Variants in RNF123 observed in about 807,000 individuals in gnomAD.
The protein encoded by RNF123 is ring finger protein 123.
In RNF123, 86 loss-of-function variants were observed where a neutral mutation model predicts 168.5. The ratio of observed to expected loss-of-function variants is 0.51; its 90% CI spans 0.43 to 0.61. The LOEUF is 0.61. Among genes scored for constraint, RNF123 ranks in the 20% least tolerant of loss-of-function variants. The pLI is 0.00. For missense variants in RNF123, 1,419 were observed against 1,729.7 expected, an observed-to-expected ratio of 0.82 and a Z score of 3.19; for synonymous variants, 666 against 689.1, an observed-to-expected ratio of 0.97 and a Z score of 0.52.
At position 49,704,983 on chromosome 3, in the gene RNF123, G is replaced by A; in HGVS notation, c.1960-1G>A. On this transcript the variant is annotated splice_acceptor_variant, in intron 22 of 38. Coordinates refer to ENST00000327697, the MANE Select transcript of RNF123 (RefSeq NM_022064.5). LOFTEE classifies it high-confidence loss of function. ...GTCCTGGCCGCCTTTCTTCACTGCA[G>A]CGCCCCATGCAGGCCCTGGCTGTTG... 6.2e-7 allele frequency: 1 copy of A among 1,601,448 alleles called. No individual in the cohort carries two copies. The highest frequency in any genetic ancestry group is 8.5e-7 in the Non-Finnish European group (1 of 1,175,222).
At chr3:49,716,504 G>A in intron 35 of RNF123, 27 bp downstream of exon 35, 2 of 1,598,438 alleles carry the variant, frequency 1.3e-6, no homozygotes, top group Non-Finnish European at 8.6e-7. Context: ...GTGGGCCCCT[G>A]TGGGAGTTGG....
intron 3 of RNF123, 46 bp from the exon 4 acceptor site, chr3:49,697,097 G>T: frequency 6.6e-7 from 1 of 1,508,374 alleles, no homozygotes; most frequent in South Asian, 1.1e-5. Flanking sequence ...TCATCTGGCT[G>T]ATTTCAAGGA....
chr3:49,714,270 C>T, intron 31 of RNF123, 96 bp downstream of exon 31: 1 of 1,126,220 alleles, frequency 8.9e-7, no homozygotes, highest in Non-Finnish European at 1.3e-6. Context: ...CTTCCAGCCC[C>T]TCTCTGGTTC....
chr3:49,712,685 A>G, intron 27 of RNF123, 29 bp downstream of exon 27: 1 of 1,613,454 alleles, frequency 6.2e-7, no homozygotes, highest in South Asian at 1.1e-5. Context: ...CTGAGGCAGA[A>G]GCAGAAAAGG....
At chr3:49,719,275 G>T in intron 35 of RNF123, 1 of 1,613,436 alleles carries the variant, frequency 6.2e-7, no homozygotes, top group African/African-American at 1.3e-5. Flanking sequence ...GTCGAGGTCC[G>T]CAGTAGCGGC....
Position 49,701,906 on chromosome 3 carries a change from C to T in RNF123, c.1491C>T (p.Ile497=), listed in dbSNP as rs537813059. 11 of 1,560,184 alleles carry T rather than the reference C, an allele frequency of 7.1e-6. No individual in the cohort carries two copies. Among genetic ancestry groups the T allele is most frequent in the South Asian group, 3.5e-5 (3 of 84,740 alleles). The change falls in exon 17 of 39, where the codon ATC becomes ATT. Residue 497 remains isoleucine (I), a synonymous_variant. Transcript: ENST00000327697. ...ERGCQRLRKR[I]EVVEELQVQI... is the part of the protein sequence containing the mutation. ...GCTGTCAGCGGCTCAGGAAGCGCAT[C>T]GAAGGTCAGCCCGCCTTGGGCACGG... is the stretch of plus-strand genomic sequence containing the variant.
intron 9 of RNF123, 26 bp from the exon 10 acceptor site, chr3:49,698,954 G>A: frequency 6.2e-7 from 1 of 1,612,726 alleles, no homozygotes; most frequent in Non-Finnish European, 8.5e-7. Context: ...CTTAGCACTG[G>A]CTCACAGACC....
intron 7 of RNF123, 26 bp downstream of exon 7, chr3:49,698,163 CCTGGGCCCA>C: frequency 6.2e-7 from 1 of 1,600,442 alleles, no homozygotes; most frequent in Non-Finnish European, 8.6e-7. Flanking sequence ...GGGACCCCTC[CCTGGGCCCA>C]GGGAGAGCTT....
intron 21 of RNF123, among the ~76,000 whole-genome samples, chr3:49,703,846 G>A (rs1377502217): frequency 3.3e-5 from 5 of 152,230 alleles, no homozygotes; most frequent in African/African-American, 9.7e-5. Flanking sequence ...AGGGCTGAGG[G>A]CACAGCGAGA....
rs371662347 is a variant in RNF123, at chr3:49,709,551, C to T, written c.2496+2653C>T. Reference sequence around the variant, plus strand: ...TCCTGACCTCGTGATCCACCCGCCTCGGCCTCCCAAAGTGCTGGGATTACA... The same window carrying T: ...TCCTGACCTCGTGATCCACCCGCCTTGGCCTCCCAAAGTGCTGGGATTACA... On this transcript the variant is annotated intron_variant, in intron 26 of 38. Coordinates refer to ENST00000327697, the MANE Select transcript of RNF123 (RefSeq NM_022064.5). Among the ~76,000 whole-genome samples the T allele has an allele frequency of 1.2e-4, 19 of 152,260 alleles. No individual in the cohort carries two copies. In the East Asian group the frequency reaches 2.1e-3, roughly 17 times the overall value.
chr3:49,720,568 A>T lies in RNF123; in HGVS notation c.3558A>T (p.Ile1186=). 1 of 1,612,058 alleles carries T rather than the reference A, an allele frequency of 6.2e-7. No homozygotes were observed. Among genetic ancestry groups the T allele is most frequent in the South Asian group, 1.1e-5 (1 of 90,864 alleles). ...LADPCFQLRS[I]CYLLGQPEPP... is the part of the protein sequence containing the mutation. ...ATCCCTGCTTCCAGCTACGCTCAAT[A>T]TGCTATCTCCTGGGACAGCCAGAGC... Residue 1186 remains isoleucine, a synonymous_variant, in exon 36 of 39, where the codon ATA becomes ATT. Coordinates refer to ENST00000327697, the MANE Select transcript of RNF123 (RefSeq NM_022064.5).
intron 35 of RNF123, chr3:49,718,068 G>C (rs1169780108): frequency 1.9e-6 from 3 of 1,613,614 alleles, no homozygotes; most frequent in Non-Finnish European, 2.5e-6. Flanking sequence ...GCTGCACGCG[G>C]CCATTGAGGC....
Position 49,715,088 on chromosome 3 carries a change from C to A in RNF123, c.3011-487C>A, listed in dbSNP as rs149850921. 9.1e-3 allele frequency among the ~76,000 whole-genome samples: 1,386 copies of A among 152,368 alleles called. 19 individuals carry two copies. Among genetic ancestry groups the A allele is most frequent in the African/African-American group, 0.032 (1,330 of 41,582 alleles). ...GGCTCCGGTTACTGCTGCCTGCCAG[C>A]CCAGACTTGGTGCCCACCACCTCGG... On this transcript the variant is annotated intron_variant, in intron 31 of 38. Transcript: ENST00000327697.
intron 35 of RNF123, chr3:49,717,852 C>T: frequency 7.5e-7 from 1 of 1,326,708 alleles, no homozygotes; most frequent in South Asian, 1.4e-5. Flanking sequence ...GGGCCAGGCA[C>T]AGTGCTTCCC....
At chr3:49,719,313 C>T (rs1311764514) in intron 35 of RNF123, 5 of 1,613,212 alleles carry the variant, frequency 3.1e-6, no homozygotes, top group Admixed American at 1.7e-5. Context: ...CGTCCTGCAG[C>T]CCTAGGCCAG....
chr3:49,709,877 CTGT>C (rs1242718577), intron 26 of RNF123, among the ~76,000 whole-genome samples: 1 of 152,042 alleles, frequency 6.6e-6, no homozygotes, highest in Non-Finnish European at 1.5e-5. Flanking sequence ...CCGGCCAATT[CTGT>C]TGTTTAATTT....
At chr3:49,705,439 A>G (rs907140209) in intron 23 of RNF123, 95 bp from the exon 24 acceptor site, 1 of 1,502,650 alleles carries the variant, frequency 6.7e-7, no homozygotes. Context: ...CCTTGGGCAC[A>G]GGAATGGGAG....
At chr3:49,718,820 A>T in intron 35 of RNF123, 1 of 1,613,346 alleles carries the variant, frequency 6.2e-7, no homozygotes, top group Non-Finnish European at 8.5e-7. Context: ...TTGTTGTGCA[A>T]GTAGAGGCCG....
intron 20 of RNF123, 61 bp downstream of exon 20, chr3:49,702,814 C>T: frequency 6.2e-7 from 1 of 1,609,816 alleles, no homozygotes; most frequent in Non-Finnish European, 8.5e-7. Context: ...AGGGCAGCCC[C>T]TAATGTTAGT....
Sources: allele counts gnomAD v4.1 joint callset (sites outside exome capture counted in the v4.1 genomes callset), GRCh38; gene constraint gnomAD v4.1.1; transcripts MANE v1.5; gene names NCBI Gene and HGNC (gene_info 2026-07-23, HGNC 2026-07-21).